The following TLE4 variants were observed in gnomAD, a reference collection of about 807,000 sequenced individuals.
TLE4 encodes TLE family member 4, transcriptional corepressor.
In TLE4, 8 loss-of-function variants were observed where a neutral mutation model predicts 92.8. The ratio of observed to expected loss-of-function variants is 0.09; its 90% CI spans 0.05 to 0.16. The LOEUF (loss-of-function observed/expected upper bound fraction) is 0.16, where lower values mean the gene tolerates loss of function less well. TLE4 is among the 10% of genes least tolerant of loss of function. The pLI is 1.00. For missense variants in TLE4, 675 were observed against 997.6 expected (o/e 0.68, Z 4.36); for synonymous variants, 371 against 374.1 (o/e 0.99, Z 0.10).
At chr9:79,690,762 T>C (rs914822950) in intron 8 of TLE4, among the ~76,000 whole-genome samples, 6 of 147,348 alleles carry the variant, frequency 4.1e-5, no homozygotes, top group African/African-American at 1.5e-4. Flanking sequence ...ACTATAGGAA[T>C]GTGCCACCAC....
chr9:79,682,957 A>C (rs2065039297), intron 8 of TLE4, among the ~76,000 whole-genome samples: 1 of 152,240 alleles, frequency 6.6e-6, no homozygotes, highest in Non-Finnish European at 1.5e-5. Flanking sequence ...AGACAAAGGG[A>C]TGAGTAAACT....
intron 5 of TLE4, among the ~76,000 whole-genome samples, chr9:79,622,797 G>A (rs956330273): frequency 7.2e-5 from 11 of 152,098 alleles, no homozygotes; most frequent in East Asian, 1.9e-4. Flanking sequence ...CGGGAAGTGC[G>A]CTGGCCATTT....
intron 4 of TLE4, among the ~76,000 whole-genome samples, chr9:79,604,865 A>G (rs1026385250): frequency 1.3e-5 from 2 of 152,194 alleles, no homozygotes; most frequent in Non-Finnish European, 2.9e-5. Flanking sequence ...ATCAAGATGA[A>G]TAATCTCCGT....
intron 9 of TLE4, 122 bp downstream of exon 9, chr9:79,705,024 A>G: frequency 7.1e-7 from 1 of 1,403,002 alleles, no homozygotes; most frequent in Non-Finnish European, 9.7e-7. Context: ...GGAGACAAAA[A>G]ACATTTATTG....
chr9:79,677,488 T>C (rs1455673087), intron 8 of TLE4, among the ~76,000 whole-genome samples: 1 of 152,152 alleles, frequency 6.6e-6, no homozygotes, highest in Admixed American at 6.6e-5. Context: ...ATGTTAACTC[T>C]ACTTAGTTGA....
chr9:79,655,528 A>G (rs572326257), intron 8 of TLE4, among the ~76,000 whole-genome samples: 13 of 152,324 alleles, frequency 8.5e-5, no homozygotes, highest in African/African-American at 2.4e-4. Context: ...TGTAATTTGA[A>G]AGGGCATCTG....
rs1325729907 is a variant in TLE4, at chr9:79,657,123, G to A, written c.609+3048G>A. On this transcript the variant is annotated intron_variant, in intron 8 of 19. Coordinates refer to ENST00000376552, the MANE Select transcript of TLE4 (RefSeq NM_007005.6). ...CTTGATGATGAGAAACTAGACCAGTGTGTGTTGTAGGGCTGTTGAAGTCAG... is the reference window on the plus strand; with the variant it reads ...CTTGATGATGAGAAACTAGACCAGTATGTGTTGTAGGGCTGTTGAAGTCAG... 2.0e-5 allele frequency among the ~76,000 whole-genome samples: 3 copies of A among 152,190 alleles called. No homozygotes were observed. The South Asian group carries it at 6.2e-4, about 31-fold the overall frequency.
chr9:79,681,623 G>A (rs2064613681), intron 8 of TLE4, among the ~76,000 whole-genome samples: 1 of 152,052 alleles, frequency 6.6e-6, no homozygotes, highest in Non-Finnish European at 1.5e-5. Flanking sequence ...TTATTCTAAG[G>A]ATACACTGAC....
At chr9:79,641,119 T>TAA (rs761170778) in intron 6 of TLE4, among the ~76,000 whole-genome samples, 16 of 138,126 alleles carry the variant, frequency 1.2e-4, no homozygotes, top group Non-Finnish European at 1.9e-4. Flanking sequence ...CTTTAAAACT[T>TAA]AAAAAAAAAA....
chr9:79,650,973 T>C (rs565804791), intron 6 of TLE4, among the ~76,000 whole-genome samples: 1 of 151,666 alleles, frequency 6.6e-6, no homozygotes, highest in East Asian at 1.9e-4. Context: ...AAAGGTCCAC[T>C]TTTTTTCTCT....
In TLE4 at chr9:79,576,128, G is replaced by A. The variant is rs765966157; in HGVS notation, c.208-5G>A. The A allele has an allele frequency of 6.8e-7, 1 of 1,473,416 alleles. No homozygotes were observed. The highest frequency in any genetic ancestry group is 9.1e-7 in the Non-Finnish European group (1 of 1,101,354). 91.3% of individuals were successfully genotyped at this position (1,473,416 alleles called of 1,614,324 possible). A position where few individuals can be genotyped will look rare whatever the true frequency, so the allele number is the denominator to read the frequency against. On this transcript the variant is annotated splice_region_variant and splice_polypyrimidine_tract_variant and intron_variant, in intron 3 of 19. Transcript: ENST00000376552. ...TGCATTTAATTGCTTTTCCTTCTTT[G>A]ACAGTATTATGAAATGTCCTATGGG...
chr9:79,573,550 C>T (rs941503909), intron 1 of TLE4, 139 bp from the exon 2 acceptor site: 17 of 832,166 alleles, frequency 2.0e-5, no homozygotes, highest in African/African-American at 1.6e-4. Flanking sequence ...AGGAGGGTTG[C>T]GGGAGGAGAG....
At chr9:79,632,733 G>T (rs1172596633) in intron 6 of TLE4, among the ~76,000 whole-genome samples, 2 of 152,166 alleles carry the variant, frequency 1.3e-5, no homozygotes, top group Non-Finnish European at 2.9e-5. Flanking sequence ...GTATTTTCTA[G>T]ATGTATGTAA....
At chr9:79,722,735 T>C in intron 18 of TLE4, 134 bp downstream of exon 18, 1 of 1,158,912 alleles carries the variant, frequency 8.6e-7, no homozygotes, top group Non-Finnish European at 1.2e-6. Flanking sequence ...TCCTGATACA[T>C]GCCTGCTTCC....
intron 6 of TLE4, among the ~76,000 whole-genome samples, chr9:79,630,233 C>A (rs2053815719): frequency 6.6e-6 from 1 of 152,138 alleles, no homozygotes; most frequent in Non-Finnish European, 1.5e-5. Flanking sequence ...GTAAATGAGC[C>A]AAACGAGTGA....
intron 14 of TLE4, 42 bp downstream of exon 14, chr9:79,709,741 C>G (rs1200468952): frequency 6.3e-7 from 1 of 1,579,376 alleles, no homozygotes; most frequent in South Asian, 1.1e-5. Flanking sequence ...GTGTCAAACT[C>G]AGGTCCCTTG....
At position 79,706,843 on chromosome 9, in the gene TLE4, G is replaced by T; in HGVS notation, c.880G>T (p.Ala294Ser). ...CAAGAAAGATGCCCCGATTAGTCCA[G>T]CCTCTATTGCATCTTCCAGCAGTAC... The part of the protein sequence containing the change: ...LLKKDAPISP[A>S]SIASSSSTPS... Residue 294 changes from alanine to serine, a missense_variant, in exon 11 of 20, where the codon GCC (alanine) becomes TCC (serine). Coordinates refer to ENST00000376552, the MANE Select transcript of TLE4 (RefSeq NM_007005.6). The T allele has an allele frequency of 6.2e-7, 1 of 1,614,150 alleles. No homozygotes were observed. Among genetic ancestry groups the T allele is most frequent in the Non-Finnish European group, 8.5e-7 (1 of 1,180,032 alleles).
At chr9:79,580,183 A>G (rs190905876) in intron 4 of TLE4, 2 of 152,348 alleles carry the variant, frequency 1.3e-5, no homozygotes, top group East Asian at 3.9e-4. Context: ...ATTTGTTGCT[A>G]TTAATTTACC....
At chr9:79,663,963 C>T (rs759671161) in intron 8 of TLE4, among the ~76,000 whole-genome samples, 16 of 152,322 alleles carry the variant, frequency 1.1e-4, no homozygotes, top group East Asian at 5.8e-4. Context: ...CAATAAAGCG[C>T]GCACTGGTGG....
Sources: gnomAD v4.1 joint callset for allele counts (sites outside exome capture counted in the v4.1 genomes callset) on GRCh38, gnomAD v4.1.1 for gene constraint, MANE v1.5 for transcripts, NCBI Gene and HGNC (gene_info 2026-07-23, HGNC 2026-07-21) for gene names.